CRYBG1: variants seen among roughly 807,000 people sequenced by gnomAD.
CRYBG1 encodes the protein crystallin beta-gamma domain containing 1.
In CRYBG1, 139 loss-of-function variants were observed where a neutral mutation model predicts 189.2. The ratio of observed to expected loss-of-function variants is 0.73; its 90% CI spans 0.64 to 0.85. The LOEUF (loss-of-function observed/expected upper bound fraction) is 0.85, where lower values mean the gene tolerates loss of function less well. Ranked by LOEUF, CRYBG1 falls within the 40% of genes least tolerant of loss-of-function variation. CRYBG1 has a pLI of 0.00. For missense variants in CRYBG1, 2,611 were observed against 2,675.8 expected (o/e 0.98, Z 0.53); for synonymous variants, 1,023 against 1,017.1 (o/e 1.01, Z -0.11).
chr6:106,361,314 C>T (rs910408331), intron 1 of CRYBG1, among the ~76,000 whole-genome samples: 2 of 152,216 alleles, frequency 1.3e-5, no homozygotes, highest in Non-Finnish European at 2.9e-5. Flanking sequence ...CTTGTGCCCA[C>T]GCATGTGGCC....
intron 20 of CRYBG1, among the ~76,000 whole-genome samples, chr6:106,562,588 G>A (rs539624748): frequency 7.2e-5 from 11 of 152,228 alleles, no homozygotes; most frequent in African/African-American, 1.7e-4. Context: ...CCGGGTTCAC[G>A]CGATTCTCCT....
chr6:106,397,800 A>G (rs4946748), intron 1 of CRYBG1, among the ~76,000 whole-genome samples: 109,379 of 152,140 alleles, frequency 0.72, 40,301 homozygotes, highest in African/African-American at 0.89. Flanking sequence ...GAGATAAACT[A>G]TAATGGTCAC....
chr6:106,564,468 G>A (rs1287353747), intron 21 of CRYBG1, among the ~76,000 whole-genome samples: 2 of 152,212 alleles, frequency 1.3e-5, no homozygotes, highest in Admixed American at 6.5e-5. Context: ...GAAGCTAATA[G>A]GGAGTGAACT....
intron 19 of CRYBG1, 102 bp from the exon 20 acceptor site, chr6:106,561,240 C>T: frequency 1.6e-6 from 2 of 1,274,176 alleles, no homozygotes; most frequent in Non-Finnish European, 2.2e-6. Context: ...GGTAATTACC[C>T]TTAATCCATA....
At chr6:106,511,084 G>C (rs1773248489) in intron 2 of CRYBG1, among the ~76,000 whole-genome samples, 1 of 152,144 alleles carries the variant, frequency 6.6e-6, no homozygotes, top group African/African-American at 2.4e-5. Flanking sequence ...TTTATAAATT[G>C]CATCTTTATT....
chr6:106,403,103 C>T (rs532611505), intron 1 of CRYBG1, among the ~76,000 whole-genome samples: 3 of 152,168 alleles, frequency 2.0e-5, no homozygotes, highest in Non-Finnish European at 4.4e-5. Flanking sequence ...GAGGCTAAGA[C>T]GGGGGAGGAT....
intron 1 of CRYBG1, among the ~76,000 whole-genome samples, chr6:106,436,018 T>G (rs1028069463): frequency 6.6e-6 from 1 of 152,224 alleles, no homozygotes; most frequent in African/African-American, 2.4e-5. Context: ...AATATTTTAT[T>G]AAATTATGTA....
intron 1 of CRYBG1, among the ~76,000 whole-genome samples, chr6:106,376,049 C>T (rs1174847486): frequency 2.0e-5 from 3 of 152,164 alleles, no homozygotes; most frequent in South Asian, 2.1e-4. Flanking sequence ...TTTTGGACCA[C>T]GGTTGACTGA....
Position 106,431,810 on chromosome 6 carries a change from G to A in CRYBG1, c.174-19884G>A, listed in dbSNP as rs140934134. Among the ~76,000 whole-genome samples, 808 of 152,146 alleles carry A rather than the reference G, an allele frequency of 5.3e-3. 8 individuals carry two copies. The highest frequency in any genetic ancestry group is 0.019 in the African/African-American group (780 of 41,452). ...TACCCTACAGCACCCACCCTACAGA[G>A]GGCCAGCTGGCTCCCTGGGAATTCT... On this transcript the variant is annotated intron_variant, in intron 1 of 21. Coordinates refer to ENST00000633556, the MANE Select transcript of CRYBG1 (RefSeq NM_001371242.2).
At chr6:106,486,128 T>C (rs1346396069) in intron 2 of CRYBG1, among the ~76,000 whole-genome samples, 1 of 152,200 alleles carries the variant, frequency 6.6e-6, no homozygotes, top group Non-Finnish European at 1.5e-5. Context: ...CTGCTTTCGT[T>C]GTGTCCCACA....
intron 2 of CRYBG1, among the ~76,000 whole-genome samples, chr6:106,509,740 C>A (rs1773206520): frequency 1.3e-5 from 2 of 152,060 alleles, no homozygotes; most frequent in African/African-American, 4.8e-5. Flanking sequence ...GCCCCTGTGG[C>A]TGAATGGAAG....
At chr6:106,375,386 T>C (rs1464465719) in intron 1 of CRYBG1, among the ~76,000 whole-genome samples, 1 of 70,860 alleles carries the variant, frequency 1.4e-5, no homozygotes, top group East Asian at 3.8e-4. Context: ...GCCCTGTCTT[T>C]AAGTAAGTAA....
intron 1 of CRYBG1, among the ~76,000 whole-genome samples, chr6:106,424,787 C>A (rs1481990460): frequency 6.6e-6 from 1 of 152,138 alleles, no homozygotes; most frequent in Non-Finnish European, 1.5e-5. Flanking sequence ...AAGAGACCAT[C>A]AGGACTAACA....
At position 106,551,843 on chromosome 6, in the gene CRYBG1, G is replaced by A. The variant is rs1487410014; in HGVS notation, c.5313-9G>A. The A allele has an allele frequency of 6.2e-7, 1 of 1,610,898 alleles. No homozygotes were observed. The highest frequency in any genetic ancestry group is 1.1e-5 in the South Asian group (1 of 90,732). ...TGAACTCCAACAAGTGATTGCTTTT[G>A]TTTCTTAGATGGGTAGCCTATGAAA... On this transcript the variant is annotated splice_polypyrimidine_tract_variant and intron_variant, in intron 13 of 21. Coordinates refer to ENST00000633556, the MANE Select transcript of CRYBG1 (RefSeq NM_001371242.2).
In CRYBG1 at chr6:106,543,531, A is replaced by G; in HGVS notation, c.4973A>G (p.Glu1658Gly). 2 of 1,614,140 alleles carry G rather than the reference A, an allele frequency of 1.2e-6. No individual in the cohort carries two copies. Among genetic ancestry groups the G allele is most frequent in the South Asian group, 2.2e-5 (2 of 91,084 alleles). The change falls in exon 11 of 22, where the codon GAA becomes GGA. Residue 1658 changes from glutamate (E) to glycine (G), a missense_variant. Physicochemically the swap from Glu to Gly is moderately conservative, Grantham distance 98. Coordinates refer to ENST00000633556, the MANE Select transcript of CRYBG1 (RefSeq NM_001371242.2). ...CSFVMEGGET[E>G]EATGDDHLPF... ...TTTGTCATGGAGGGAGGTGAAACAG[A>G]AGAGGCGACTGGAGACGATCATTTG...
intron 16 of CRYBG1, among the ~76,000 whole-genome samples, chr6:106,554,275 T>C (rs1281754465): frequency 6.6e-6 from 1 of 152,118 alleles, no homozygotes; most frequent in Non-Finnish European, 1.5e-5. Flanking sequence ...TGCTATCCTG[T>C]CCTTTAGTAT....
At chr6:106,528,360 C>T (rs1439742005) in intron 7 of CRYBG1, among the ~76,000 whole-genome samples, 4 of 152,176 alleles carry the variant, frequency 2.6e-5, no homozygotes, top group Admixed American at 2.0e-4. Context: ...TTTTTATTTA[C>T]TGCTCAAATA....
At chr6:106,409,813 C>T (rs1396943489) in intron 1 of CRYBG1, among the ~76,000 whole-genome samples, 1 of 152,158 alleles carries the variant, frequency 6.6e-6, no homozygotes, top group Non-Finnish European at 1.5e-5. Context: ...GGAAAACTGG[C>T]TAGCCATATG....
At chr6:106,483,413 T>C (rs1772519918) in intron 2 of CRYBG1, among the ~76,000 whole-genome samples, 1 of 147,336 alleles carries the variant, frequency 6.8e-6, no homozygotes, top group African/African-American at 2.4e-5. Flanking sequence ...AAACATTTTC[T>C]TTATCTACTT....
Sources: allele counts gnomAD v4.1 joint callset (sites outside exome capture counted in the v4.1 genomes callset), GRCh38; gene constraint gnomAD v4.1.1; transcripts MANE v1.5; gene names NCBI Gene and HGNC (gene_info 2026-07-23, HGNC 2026-07-21).